SLC4A10: variants seen among roughly 807,000 people sequenced by gnomAD.
The protein encoded by SLC4A10 is sodium-driven chloride bicarbonate exchanger.
A neutral mutation model predicts 137.7 loss-of-function variants in SLC4A10; 42 were observed. The observed-to-expected ratio is 0.30, with a 90% confidence interval of 0.24 to 0.39. The LOEUF (loss-of-function observed/expected upper bound fraction) is 0.39. SLC4A10 is among the 10% of genes least tolerant of loss of function. SLC4A10 has a pLI of 1.00. For synonymous variants in SLC4A10, 474 were observed against 464.1 expected (o/e 1.02, Z -0.27); for missense variants, 925 against 1,355.0 (o/e 0.68, Z 4.98).
At chr2:161,638,522 C>G (rs2034789782) in intron 1 of SLC4A10, among the ~76,000 whole-genome samples, 2 of 152,020 alleles carry the variant, frequency 1.3e-5, no homozygotes, top group Non-Finnish European at 2.9e-5. Context: ...AGTTTGGTTA[C>G]TATTGTTTTG....
chr2:161,764,964 A>G (rs942268960), intron 1 of SLC4A10, among the ~76,000 whole-genome samples: 2 of 152,130 alleles, frequency 1.3e-5, no homozygotes, highest in Non-Finnish European at 2.9e-5. Context: ...AGCCTATGTA[A>G]ATGGACTTAA....
intron 8 of SLC4A10, among the ~76,000 whole-genome samples, chr2:161,876,616 C>A (rs1464669836): frequency 6.6e-6 from 1 of 151,960 alleles, no homozygotes; most frequent in African/African-American, 2.4e-5. Context: ...CCAGGAAGTT[C>A]GAGGCTGCAG....
intron 1 of SLC4A10, among the ~76,000 whole-genome samples, chr2:161,746,764 T>G (rs2048426896): frequency 6.6e-6 from 1 of 152,136 alleles, no homozygotes; most frequent in Admixed American, 6.6e-5. Flanking sequence ...TCTGCTGTTG[T>G]TTATTCAAGG....
intron 3 of SLC4A10, among the ~76,000 whole-genome samples, chr2:161,820,827 G>A (rs1183307461): frequency 6.6e-6 from 1 of 152,076 alleles, no homozygotes; most frequent in Admixed American, 6.6e-5. Flanking sequence ...TGAGTCATAG[G>A]ACATGCATAT....
intron 1 of SLC4A10, among the ~76,000 whole-genome samples, chr2:161,758,066 CTA>C (rs1193734381): frequency 6.6e-6 from 1 of 151,752 alleles, no homozygotes; most frequent in African/African-American, 2.4e-5. Context: ...ATTTCCTCTT[CTA>C]TATCTTTTGA....
chr2:161,894,898 T>A lies in SLC4A10; in HGVS notation c.1341+73T>A, dbSNP rs962236042. On this transcript the variant is annotated intron_variant, in intron 11 of 26. Coordinates refer to ENST00000446997, the MANE Select transcript of SLC4A10 (RefSeq NM_001178015.2). ...TTTAAATGCATGTTTTATTTTATTT[T>A]ATTTATTTATTTATTTATTTTATTA... 1.4e-5 allele frequency: 11 copies of A among 770,758 alleles called. No individual in the cohort carries two copies. In the Admixed American group the frequency reaches 2.5e-4, roughly 17 times the overall value. The allele number at this position is 770,758 out of a possible 1,614,324, so 47.7% of individuals were successfully genotyped here. A position where few individuals can be genotyped will look rare whatever the true frequency, so the allele number is the denominator to read the frequency against.
chr2:161,879,182 A>G lies in SLC4A10; in HGVS notation c.1000A>G (p.Ile334Val), dbSNP rs768858140. 6 of 1,613,436 alleles carry G rather than the reference A, an allele frequency of 3.7e-6. No homozygotes were observed. Among genetic ancestry groups the G allele is most frequent in the South Asian group, 2.2e-5 (2 of 91,066 alleles). Residue 334 changes from isoleucine to valine, a missense_variant, in exon 9 of 27, where the codon ATC becomes GTC. Ile to Val is a conservative substitution (Grantham distance 29). Coordinates refer to ENST00000446997, the MANE Select transcript of SLC4A10 (RefSeq NM_001178015.2). ...TCCTCCAGGTGCTGAAGCATCGAAC[A>G]TCTTAGTGGGAGAACTGGAGTTCTT... is the stretch of plus-strand genomic sequence containing the variant. ...KIPPGAEASN[I>V]LVGELEFLDR...
intron 1 of SLC4A10, among the ~76,000 whole-genome samples, chr2:161,631,556 G>A (rs1174882028): frequency 6.6e-6 from 1 of 151,570 alleles, no homozygotes; most frequent in Non-Finnish European, 1.5e-5. Context: ...AGAGGTCTTG[G>A]AATATATCTT....
chr2:161,894,751 C>T lies in SLC4A10; in HGVS notation c.1267C>T (p.Gln423Ter). 6.9e-7 allele frequency: 1 copy of T among 1,448,178 alleles called. No homozygotes were observed. The highest frequency in any genetic ancestry group is 1.7e-5 in the South Asian group (1 of 58,254). The allele number at this position is 1,448,178 out of a possible 1,614,324, so 89.7% of individuals were successfully genotyped here. A position where few individuals can be genotyped will look rare whatever the true frequency, so the allele number is the denominator to read the frequency against. ...LVSGIDEFLDQVTVLPPGEWD... is the reference protein window; with the variant it reads ...LVSGIDEFLD Reference sequence around the variant, plus strand: ...ATCAGGAATTGATGAGTTTCTGGATCAGGTTACTGTTCTCCCTCCTGGAGA... The same window carrying T: ...ATCAGGAATTGATGAGTTTCTGGATTAGGTTACTGTTCTCCCTCCTGGAGA... The change falls in exon 11 of 27, where the codon CAG becomes TAG. Residue 423 changes from glutamine to a stop codon, truncating the protein, a stop_gained. Transcript: ENST00000446997. LOFTEE classifies it high-confidence loss of function.
intron 1 of SLC4A10, among the ~76,000 whole-genome samples, chr2:161,670,369 G>A (rs10175326): frequency 0.033 from 4,923 of 151,138 alleles, 270 homozygotes; most frequent in African/African-American, 0.11. Context: ...TATAAGGGGA[G>A]GCAATTTCTC....
intron 1 of SLC4A10, among the ~76,000 whole-genome samples, chr2:161,713,942 G>A (rs1387025385): frequency 6.6e-6 from 1 of 151,724 alleles, no homozygotes; most frequent in Admixed American, 6.6e-5. Flanking sequence ...ATCAGATGCA[G>A]GAAGACGTCA....
intron 4 of SLC4A10, among the ~76,000 whole-genome samples, chr2:161,847,121 T>A (rs983811088): frequency 6.6e-6 from 1 of 150,676 alleles, no homozygotes; most frequent in Admixed American, 6.6e-5. Flanking sequence ...CCTGGCTATG[T>A]AGTCCCAGCT....
intron 1 of SLC4A10, among the ~76,000 whole-genome samples, chr2:161,718,309 A>T (rs564305949): frequency 6.6e-6 from 1 of 151,340 alleles, no homozygotes; most frequent in African/African-American, 2.4e-5. Flanking sequence ...TTCTGCTCTG[A>T]TCTTGCTTAT....
intron 24 of SLC4A10, among the ~76,000 whole-genome samples, chr2:161,975,964 C>T (rs1304411999): frequency 1.3e-5 from 2 of 152,128 alleles, no homozygotes; most frequent in East Asian, 3.9e-4. Flanking sequence ...TTGGCATTGA[C>T]TCTGAGTGAC....
At chr2:161,891,709 A>G (rs2062941667) in intron 10 of SLC4A10, among the ~76,000 whole-genome samples, 1 of 151,856 alleles carries the variant, frequency 6.6e-6, no homozygotes, top group Non-Finnish European at 1.5e-5. Flanking sequence ...CCTTTCTTCA[A>G]GGTTCTTAGC....
intron 2 of SLC4A10, among the ~76,000 whole-genome samples, chr2:161,779,696 C>T (rs1444081143): frequency 6.6e-6 from 1 of 151,844 alleles, no homozygotes; most frequent in African/African-American, 2.4e-5. Flanking sequence ...TAATATTTTA[C>T]CTCTAAAATC....
At chr2:161,769,763 T>C (rs2125411980) in intron 1 of SLC4A10, among the ~76,000 whole-genome samples, 1 of 151,962 alleles carries the variant, frequency 6.6e-6, no homozygotes, top group South Asian at 2.1e-4. Flanking sequence ...ATTGAGATAT[T>C]GAAATTTTTC....
At chr2:161,739,059 G>T (rs1333195497) in intron 1 of SLC4A10, among the ~76,000 whole-genome samples, 1 of 152,068 alleles carries the variant, frequency 6.6e-6, no homozygotes, top group African/African-American at 2.4e-5. Context: ...AATAATTTAT[G>T]TTTCCACAAA....
intron 15 of SLC4A10, among the ~76,000 whole-genome samples, chr2:161,933,182 C>CTTT (rs1349843913): frequency 0.011 from 1,235 of 114,500 alleles, 25 homozygotes; most frequent in South Asian, 0.021. Context: ...CCCCTTCCTT[C>CTTT]TTTTCTTTCT....
Sources: gnomAD v4.1 joint callset for allele counts (sites outside exome capture counted in the v4.1 genomes callset) on GRCh38, gnomAD v4.1.1 for gene constraint, MANE v1.5 for transcripts, NCBI Gene and HGNC (gene_info 2026-07-23, HGNC 2026-07-21) for gene names.